The following ARHGAP15 variants were observed in gnomAD, a reference collection of about 807,000 sequenced individuals.
The protein encoded by ARHGAP15 is Rho GTPase activating protein 15.
A neutral mutation model predicts 63.7 loss-of-function variants in ARHGAP15; 51 were observed. The ratio of observed to expected loss-of-function variants is 0.80; its 90% confidence interval spans 0.64 to 1.01. The LOEUF is 1.01. ARHGAP15 is among the 50% of genes least tolerant of loss of function. The probability of loss-of-function intolerance (pLI) is 0.00; values close to 1 mark genes in which losing one functional copy is unlikely to be tolerated. For missense variants in ARHGAP15, 560 were observed against 564.6 expected (o/e 0.99, Z 0.08); for synonymous variants, 191 against 193.8 (o/e 0.99, Z 0.12).
chr2:143,216,066 C>T (rs1445267427), intron 3 of ARHGAP15, among the ~76,000 whole-genome samples: 1 of 152,188 alleles, frequency 6.6e-6, no homozygotes, highest in Non-Finnish European at 1.5e-5. Context: ...GGAAGGCATT[C>T]AATTTGTCTT....
intron 1 of ARHGAP15, among the ~76,000 whole-genome samples, chr2:143,138,347 T>C (rs1689228523): frequency 1.3e-5 from 2 of 152,072 alleles, no homozygotes; most frequent in Admixed American, 1.3e-4. Context: ...TAGATCTGGG[T>C]AATGCAAAGT....
chr2:143,225,368 G>C (rs886777648), intron 4 of ARHGAP15, among the ~76,000 whole-genome samples: 1 of 152,160 alleles, frequency 6.6e-6, no homozygotes, highest in African/African-American at 2.4e-5. Flanking sequence ...TTGGGAGGCC[G>C]AGGCAGGCGG....
chr2:143,205,855 C>T (rs1432643672), intron 3 of ARHGAP15, among the ~76,000 whole-genome samples: 2 of 151,948 alleles, frequency 1.3e-5, no homozygotes, highest in Non-Finnish European at 2.9e-5. Context: ...TGCCCATATG[C>T]TTCTCCTTGT....
At chr2:143,418,476 T>A (rs1366976339) in intron 6 of ARHGAP15, among the ~76,000 whole-genome samples, 1 of 152,212 alleles carries the variant, frequency 6.6e-6, no homozygotes, top group Non-Finnish European at 1.5e-5. Flanking sequence ...GTGGAAGTCT[T>A]ACTAGTTTTA....
rs376943739 is a variant in ARHGAP15 at position 143,236,115 on chromosome 2, G to A, written c.384+7447G>A. 1,068 of 1,026,074 alleles carry A rather than the reference G, an allele frequency of 1.0e-3. 2 individuals carry two copies. Among genetic ancestry groups the A allele is most frequent in the Admixed American group, 1.4e-3 (38 of 26,824 alleles). 63.6% of individuals were successfully genotyped at this position (1,026,074 alleles called of 1,614,324 possible). On this transcript the variant is annotated intron_variant, in intron 5 of 13. Transcript: ENST00000295095. ...CTCAACAGTTAACAACTCCTACCAG[G>A]TGTCATATAATTTTTTTCTTTTTGT...
chr2:143,620,796 C>G (rs565710143), intron 11 of ARHGAP15, among the ~76,000 whole-genome samples: 1 of 152,218 alleles, frequency 6.6e-6, no homozygotes, highest in Non-Finnish European at 1.5e-5. Flanking sequence ...GTGCATAGCA[C>G]AGTCCCTGGT....
At chr2:143,668,225 A>G (rs977611226) in intron 12 of ARHGAP15, among the ~76,000 whole-genome samples, 1 of 151,862 alleles carries the variant, frequency 6.6e-6, no homozygotes, top group African/African-American at 2.4e-5. Context: ...CAATATGTTG[A>G]TGTAACACTC....
At chr2:143,619,092 C>T (rs370446328) in intron 11 of ARHGAP15, among the ~76,000 whole-genome samples, 1 of 152,006 alleles carries the variant, frequency 6.6e-6, no homozygotes, top group Admixed American at 6.6e-5. Context: ...GTATTACAGG[C>T]ATGAGTCACT....
rs1686278259 is a variant in ARHGAP15 at position 143,749,192 on chromosome 2, G to T, written c.1245-18797G>T. Among the ~76,000 whole-genome samples the T allele has an allele frequency of 3.3e-5, 5 of 152,286 alleles. No individual in the cohort carries two copies. The South Asian group carries it at 8.3e-4, about 25-fold the overall frequency. On this transcript the variant is annotated intron_variant, in intron 13 of 13. Coordinates refer to ENST00000295095, the MANE Select transcript of ARHGAP15 (RefSeq NM_018460.4). Reference sequence around the variant, plus strand: ...TACCACACTTGCTCCACTCCAGTCTGCATTCTGCCTGCAGTGGCCTCCAAT... The same window carrying T: ...TACCACACTTGCTCCACTCCAGTCTTCATTCTGCCTGCAGTGGCCTCCAAT...
intron 12 of ARHGAP15, among the ~76,000 whole-genome samples, chr2:143,638,411 A>T (rs1439288342): frequency 1.2e-4 from 18 of 144,264 alleles, no homozygotes; most frequent in African/African-American, 4.1e-4. Flanking sequence ...ACAAAAAACC[A>T]AACACCGCAT....
chr2:143,449,781 T>A (rs1266825720), intron 8 of ARHGAP15, among the ~76,000 whole-genome samples: 1 of 152,086 alleles, frequency 6.6e-6, no homozygotes, highest in Non-Finnish European at 1.5e-5. Context: ...CTGATAATGA[T>A]TATTTCTGAA....
At chr2:143,191,411 G>A (rs1423888683) in intron 2 of ARHGAP15, among the ~76,000 whole-genome samples, 1 of 152,126 alleles carries the variant, frequency 6.6e-6, no homozygotes, top group Non-Finnish European at 1.5e-5. Context: ...AGTTTGTGGT[G>A]AATTCAAATA....
intron 6 of ARHGAP15, among the ~76,000 whole-genome samples, chr2:143,347,027 T>C (rs1382554864): frequency 6.6e-6 from 1 of 152,080 alleles, no homozygotes; most frequent in Non-Finnish European, 1.5e-5. Flanking sequence ...TCGAGAGGTC[T>C]TTTTGGTCTC....
chr2:143,470,566 AAGT>A (rs965433988), intron 8 of ARHGAP15, among the ~76,000 whole-genome samples: 35 of 150,552 alleles, frequency 2.3e-4, no homozygotes, highest in East Asian at 1.6e-3. Flanking sequence ...AATAGCATAA[AAGT>A]AGTGTGTGTG....
intron 1 of ARHGAP15, among the ~76,000 whole-genome samples, chr2:143,134,526 T>C (rs1201408342): frequency 6.6e-6 from 1 of 152,122 alleles, no homozygotes; most frequent in Non-Finnish European, 1.5e-5. Context: ...GCTGTATAAC[T>C]AAAGACCAAA....
intron 12 of ARHGAP15, among the ~76,000 whole-genome samples, chr2:143,653,388 C>T (rs143660356): frequency 5.6e-4 from 85 of 152,092 alleles, no homozygotes; most frequent in African/African-American, 1.8e-3. Context: ...GAATGAGCTA[C>T]GAAGTACTCC....
intron 12 of ARHGAP15, among the ~76,000 whole-genome samples, chr2:143,662,758 C>T (rs1298472221): frequency 7.0e-5 from 7 of 100,662 alleles, no homozygotes; most frequent in South Asian, 4.5e-4. Context: ...TCGAGAACTA[C>T]GTGAAGAATG....
chr2:143,541,068 G>T (rs1695024102), intron 10 of ARHGAP15, among the ~76,000 whole-genome samples: 1 of 152,138 alleles, frequency 6.6e-6, no homozygotes, highest in Non-Finnish European at 1.5e-5. Flanking sequence ...TGGAGGCTTT[G>T]TTCGTTTCTT....
chr2:143,555,489 T>G (rs961017130), intron 10 of ARHGAP15, among the ~76,000 whole-genome samples: 3 of 152,172 alleles, frequency 2.0e-5, no homozygotes, highest in African/African-American at 7.2e-5. Flanking sequence ...TCAGCATTTT[T>G]AGATACTATT....
Sources: gnomAD v4.1 joint callset for allele counts (sites outside exome capture counted in the v4.1 genomes callset) on GRCh38, gnomAD v4.1.1 for gene constraint, MANE v1.5 for transcripts, NCBI Gene and HGNC (gene_info 2026-07-23, HGNC 2026-07-21) for gene names.